Variants in NDUFS4 observed in about 807,000 individuals in gnomAD.
The protein encoded by NDUFS4 is NADH dehydrogenase [ubiquinone] iron-sulfur protein 4, mitochondrial.
Under a neutral mutation model 24.3 loss-of-function variants are expected in NDUFS4, and 28 were observed. The observed-to-expected ratio is 1.15, with a 90% CI of 0.85 to 1.58. The LOEUF is 1.58. NDUFS4 is among the 40% of genes most tolerant of loss of function. The pLI is 0.00. For synonymous variants in NDUFS4, 93 were observed against 69.7 expected (o/e 1.34, Z -1.67); for missense variants, 223 against 207.9 (o/e 1.07, Z -0.45).
rs146865817 is a variant in NDUFS4 at position 53,650,373 on chromosome 5, A to G, written c.350+3968A>G. Among the ~76,000 whole-genome samples the G allele has an allele frequency of 2.0e-5, 3 of 152,296 alleles. No homozygotes were observed. In the East Asian group the frequency reaches 5.8e-4, roughly 29 times the overall value. On this transcript the variant is annotated intron_variant, in intron 3 of 4. Transcript: ENST00000296684. ...TAACAAGAGACTAGCATACAATTTC[A>G]TTTTGTGTAAGTTTTATGTGATACA... is the stretch of plus-strand genomic sequence containing the variant.
intron 2 of NDUFS4, among the ~76,000 whole-genome samples, chr5:53,627,432 C>T (rs1340204311): frequency 1.3e-5 from 2 of 152,088 alleles, no homozygotes; most frequent in African/African-American, 2.4e-5. Context: ...CCAGTGGTAC[C>T]TTGATGGGTA....
At chr5:53,658,809 A>T (rs905255781) in intron 4 of NDUFS4, 185 bp downstream of exon 4, 4 of 547,466 alleles carry the variant, frequency 7.3e-6, no homozygotes, top group African/African-American at 5.9e-5. Flanking sequence ...AAAAAACCTA[A>T]ATTGGAATGC....
chr5:53,581,731 T>C (rs1325152783), intron 1 of NDUFS4, among the ~76,000 whole-genome samples: 2 of 152,152 alleles, frequency 1.3e-5, no homozygotes, highest in East Asian at 3.9e-4. Context: ...GATTAAGTAC[T>C]TATCTGTGAA....
intron 1 of NDUFS4, among the ~76,000 whole-genome samples, chr5:53,565,155 C>T (rs937777401): frequency 2.0e-5 from 3 of 152,198 alleles, no homozygotes; most frequent in Non-Finnish European, 1.5e-5. Flanking sequence ...TAGGTGTACT[C>T]CAGGTGGGGT....
chr5:53,574,213 A>G (rs768599345), intron 1 of NDUFS4, among the ~76,000 whole-genome samples: 5 of 152,200 alleles, frequency 3.3e-5, no homozygotes, highest in Non-Finnish European at 7.3e-5. Flanking sequence ...AATGTTAGCT[A>G]AAGGTTTTTT....
chr5:53,567,910 C>A (rs72750143), intron 1 of NDUFS4, among the ~76,000 whole-genome samples: 15,478 of 152,002 alleles, frequency 0.1, 994 homozygotes, highest in Non-Finnish European at 0.15. Context: ...GCTCTTGTGA[C>A]TTTTCTTTTC....
At chr5:53,666,051 T>A (rs1028213614) in intron 4 of NDUFS4, among the ~76,000 whole-genome samples, 1 of 152,222 alleles carries the variant, frequency 6.6e-6, no homozygotes, top group African/African-American at 2.4e-5. Flanking sequence ...TCTTGGCAAG[T>A]TCCAAATTTC....
intron 1 of NDUFS4, among the ~76,000 whole-genome samples, chr5:53,563,989 C>T (rs1300607433): frequency 6.6e-6 from 1 of 152,196 alleles, no homozygotes. Context: ...GTATACTTAT[C>T]TCACCTTAGT....
chr5:53,617,781 G>C (rs1324615793), intron 2 of NDUFS4, among the ~76,000 whole-genome samples: 1 of 152,094 alleles, frequency 6.6e-6, no homozygotes, highest in African/African-American at 2.4e-5. Context: ...TACATTATTT[G>C]AAATGTTCAC....
chr5:53,680,167 A>G (rs1363128771), intron 4 of NDUFS4, among the ~76,000 whole-genome samples: 1 of 150,274 alleles, frequency 6.7e-6, no homozygotes, highest in African/African-American at 2.5e-5. Context: ...TATTTTCTCG[A>G]TATTTTTTCC....
At chr5:53,644,683 T>C (rs1342315736) in intron 2 of NDUFS4, among the ~76,000 whole-genome samples, 1 of 152,106 alleles carries the variant, frequency 6.6e-6, no homozygotes, top group African/African-American at 2.4e-5. Context: ...TCATTTTTAC[T>C]TTAAACTAGA....
At chr5:53,601,937 T>C (rs1292016617) in intron 1 of NDUFS4, among the ~76,000 whole-genome samples, 1 of 152,232 alleles carries the variant, frequency 6.6e-6, no homozygotes, top group Non-Finnish European at 1.5e-5. Flanking sequence ...TATTACTGCC[T>C]AATTTGTAAA....
At chr5:53,572,425 C>T (rs1039399808) in intron 1 of NDUFS4, among the ~76,000 whole-genome samples, 2 of 152,174 alleles carry the variant, frequency 1.3e-5, no homozygotes, top group African/African-American at 2.4e-5. Context: ...TTTGGGGTAG[C>T]ATGTCCTGAA....
At chr5:53,623,722 CTTGT>C (rs202130437) in intron 2 of NDUFS4, among the ~76,000 whole-genome samples, 4,167 of 134,876 alleles carry the variant, frequency 0.031, 89 homozygotes, top group Middle Eastern at 0.044. Context: ...TTTTTGTTTG[CTTGT>C]TTGTTTGTTT....
chr5:53,565,900 G>A (rs943506645), intron 1 of NDUFS4, among the ~76,000 whole-genome samples: 1 of 152,194 alleles, frequency 6.6e-6, no homozygotes. Context: ...ACGGCCGGGT[G>A]CGGTGGCTCA....
chr5:53,619,237 G>A (rs979129979), intron 2 of NDUFS4, among the ~76,000 whole-genome samples: 3 of 150,812 alleles, frequency 2.0e-5, no homozygotes, highest in African/African-American at 7.3e-5. Flanking sequence ...TTGGGAGGCC[G>A]AGGCAGGTGG....
At chr5:53,618,519 G>A (rs1030410001) in intron 2 of NDUFS4, among the ~76,000 whole-genome samples, 5 of 152,092 alleles carry the variant, frequency 3.3e-5, no homozygotes, top group Admixed American at 3.3e-4. Context: ...TGTTAGTCAT[G>A]TGTGTATACG....
intron 4 of NDUFS4, among the ~76,000 whole-genome samples, chr5:53,672,024 C>G (rs976836429): frequency 6.6e-6 from 1 of 151,902 alleles, no homozygotes; most frequent in South Asian, 2.1e-4. Flanking sequence ...GTGGAAAACC[C>G]GCCTCTGAAG....
intron 4 of NDUFS4, among the ~76,000 whole-genome samples, chr5:53,676,060 A>T (rs1015437619): frequency 1.3e-5 from 2 of 152,222 alleles, no homozygotes; most frequent in African/African-American, 2.4e-5. Flanking sequence ...ATAAACATGT[A>T]TTGAAGGATT....
Sources: gnomAD v4.1 joint callset for allele counts (sites outside exome capture counted in the v4.1 genomes callset) on GRCh38, gnomAD v4.1.1 for gene constraint, MANE v1.5 for transcripts, NCBI Gene and HGNC (gene_info 2026-07-23, HGNC 2026-07-21) for gene names.